Variants in TAGAP observed in about 807,000 individuals in gnomAD.
TAGAP encodes T cell activation RhoGTPase activating protein, also known as T-cell activation Rho GTPase-activating protein.
TAGAP carries 16 observed loss-of-function variants against 36.0 expected under a neutral mutation model. That is an observed-to-expected ratio of 0.44 (90% confidence interval 0.30 to 0.68). The LOEUF (loss-of-function observed/expected upper bound fraction) is 0.68, where lower values mean the gene tolerates loss of function less well. Among genes scored for constraint, TAGAP ranks in the 30% least tolerant of loss-of-function variants. TAGAP has a pLI of 0.09. For synonymous variants in TAGAP, 372 were observed against 377.4 expected (o/e 0.99, Z 0.17); for missense variants, 794 against 921.5 (o/e 0.86, Z 1.79).
rs772560830 is a variant in TAGAP at position 159,036,576 on chromosome 6, T to G, written c.1447A>C (p.Asn483His). Residue 483 changes from asparagine to histidine, a missense_variant, in exon 10 of 10, where the codon AAT becomes CAT. Asn to His is a moderately conservative substitution (Grantham distance 68). Transcript: ENST00000367066. The surrounding 1 kb of genome is among the most constrained non-coding windows in gnomAD (Gnocchi z 4.9). Reference sequence around the variant, plus strand: ...AAAGACTGATGTCTGCTGAAGAAATTTCTTTTGGGACTGGAAGGAGAAGCC... The same window carrying G: ...AAAGACTGATGTCTGCTGAAGAAATGTCTTTTGGGACTGGAAGGAGAAGCC... ...PVASPSSPKR[N>H]FFSRHQSFTT... 7 of 1,614,104 alleles carry G rather than the reference T, an allele frequency of 4.3e-6. No homozygotes were observed. The highest frequency in any genetic ancestry group is 5.1e-6 in the Non-Finnish European group (6 of 1,180,008).
rs139997029 is a variant in TAGAP, at chr6:159,042,111, G to A, written c.282C>T (p.Cys94=). 1.9e-5 allele frequency: 30 copies of A among 1,614,024 alleles called. No homozygotes were observed. The African/African-American group carries it at 1.9e-4, about 10-fold the overall frequency. Residue 94 remains cysteine (C), a synonymous_variant, in exon 5 of 10, where the codon TGC becomes TGT. Coordinates refer to ENST00000367066, the MANE Select transcript of TAGAP (RefSeq NM_054114.5). ...GTCTGGGGAGTGTGTCACTGTCACC[G>A]CAGATAATTGACAAGGGCTGATCAA... The part of the protein sequence containing the change: ...SLFDQPLSII[C]GDSDTLPRPI...
rs376487437 is a variant in TAGAP at position 159,036,134 on chromosome 6, G to A, written c.1889C>T (p.Ala630Val). 29 of 1,613,322 alleles carry A rather than the reference G, an allele frequency of 1.8e-5. No individual in the cohort carries two copies. Among genetic ancestry groups the A allele is most frequent in the African/African-American group, 6.7e-5 (5 of 74,846 alleles). ...VGSMRARMLE[A>V]HCLLPPLPPA... Reference sequence around the variant, plus strand: ...TGGAAGAGGGGGTAGGAGGCAGTGCGCCTCCAGCATCCTCGCCCTCATGCT... The same window carrying A: ...TGGAAGAGGGGGTAGGAGGCAGTGCACCTCCAGCATCCTCGCCCTCATGCT... The change falls in exon 10 of 10, where the codon GCG (alanine) becomes GTG (valine). Residue 630 changes from alanine (A) to valine (V), a missense_variant. By Grantham distance (64) the Ala-to-Val change is moderately conservative. Coordinates refer to ENST00000367066, the MANE Select transcript of TAGAP (RefSeq NM_054114.5). This position sits in a 1 kb window ranked among gnomAD's most constrained non-coding sequence, Gnocchi z 4.9.
At chr6:159,043,705 G>A (rs1779837640) in intron 3 of TAGAP, 50 bp from the exon 4 acceptor site, 31 of 1,552,366 alleles carry the variant, frequency 2.0e-5, no homozygotes, top group Non-Finnish European at 2.8e-5. Flanking sequence ...GAAACCTATC[G>A]AGTCTTTCCC....
chr6:159,037,603 C>T lies in TAGAP; in HGVS notation c.899-479G>A, dbSNP rs1267598995. Among the ~76,000 whole-genome samples the T allele has an allele frequency of 6.6e-6, 1 of 151,826 alleles. No individual in the cohort carries two copies. Among genetic ancestry groups the T allele is most frequent in the African/African-American group, 2.4e-5 (1 of 41,272 alleles). ...GGGGCTTGATATGACAAGAAATGTA[C>T]CACATGAAAAGTTTATTTCTTTCTG... On this transcript the variant is annotated intron_variant, in intron 9 of 9. Coordinates refer to ENST00000367066, the MANE Select transcript of TAGAP (RefSeq NM_054114.5). The surrounding 1 kb of genome is among the most constrained non-coding windows in gnomAD (Gnocchi z 5.1).
intron 7 of TAGAP, 135 bp from the exon 8 acceptor site, chr6:159,039,444 C>A (rs1374479032): frequency 2.2e-6 from 2 of 910,580 alleles, no homozygotes; most frequent in Non-Finnish European, 3.3e-6. Flanking sequence ...TTGTGAAATG[C>A]TCATTCAGAC....
chr6:159,035,803 A>G lies in TAGAP; in HGVS notation c.*24T>C, dbSNP rs1562583215. ...CTCATATTTACAGATAGCACAAGCT[A>G]TGGCATGGCGTATGGCCTCCCTCCT... On this transcript the variant is annotated 3_prime_UTR_variant, in exon 10 of 10. Coordinates refer to ENST00000367066, the MANE Select transcript of TAGAP (RefSeq NM_054114.5). 2 of 1,565,970 alleles carry G rather than the reference A, an allele frequency of 1.3e-6. No homozygotes were observed. Among genetic ancestry groups the G allele is most frequent in the Admixed American group, 1.7e-5 (1 of 57,578 alleles).
chr6:159,040,600 C>G lies in TAGAP; in HGVS notation c.587+123G>C, dbSNP rs780194671. The G allele has an allele frequency of 2.1e-5, 16 of 775,116 alleles. No individual in the cohort carries two copies. The African/African-American group carries it at 2.3e-4, about 11-fold the overall frequency. 48.0% of individuals were successfully genotyped at this position (775,116 alleles called of 1,614,324 possible). A position where few individuals can be genotyped will look rare whatever the true frequency, so the allele number is the denominator to read the frequency against. ...CTGGGAGTGGACGAGCAATTCCACT[C>G]GGATTCCCTAAACATCACAATTCTC... On this transcript the variant is annotated intron_variant, in intron 7 of 9. Coordinates refer to ENST00000367066, the MANE Select transcript of TAGAP (RefSeq NM_054114.5).
chr6:159,038,056 G>T, intron 9 of TAGAP, 58 bp downstream of exon 9: 1 of 1,124,826 alleles, frequency 8.9e-7, no homozygotes, highest in Non-Finnish European at 1.3e-6. Flanking sequence ...TTACATGACT[G>T]GCAGACTGGC....
intron 7 of TAGAP, 112 bp from the exon 8 acceptor site, chr6:159,039,421 T>C: frequency 8.8e-7 from 1 of 1,136,500 alleles, no homozygotes; most frequent in Non-Finnish European, 1.3e-6. Context: ...AAGGTGCATT[T>C]TCACAAGTAA....
Position 159,041,714 on chromosome 6 carries a change from C to A in TAGAP, c.316-199G>T. On this transcript the variant is annotated intron_variant, in intron 5 of 9. Transcript: ENST00000367066. The surrounding 1 kb of genome is among the most constrained non-coding windows in gnomAD (Gnocchi z 4.1). Reference sequence around the variant, plus strand: ...TGCACTTTCTAAAATCACTTTGGAGCTCTCTCCTTTCAAATACTTCCATAT... The same window carrying A: ...TGCACTTTCTAAAATCACTTTGGAGATCTCTCCTTTCAAATACTTCCATAT... 1 of 597,450 alleles carries A rather than the reference C, an allele frequency of 1.7e-6. No homozygotes were observed. Among genetic ancestry groups the A allele is most frequent in the Non-Finnish European group, 2.8e-6 (1 of 351,146 alleles). 37.0% of individuals were successfully genotyped at this position (597,450 alleles called of 1,614,324 possible).
At chr6:159,042,636 G>A (rs1779796978) in intron 4 of TAGAP, 1 of 164,802 alleles carries the variant, frequency 6.1e-6, no homozygotes, top group East Asian at 1.7e-4. Flanking sequence ...AGATTATTTT[G>A]ATTTCCTCCT....
chr6:159,038,712 C>A (rs1337844210), intron 8 of TAGAP, among the ~76,000 whole-genome samples: 1 of 152,202 alleles, frequency 6.6e-6, no homozygotes, highest in East Asian at 1.9e-4. Flanking sequence ...AAGTTAGATA[C>A]TCCTTGGTGT....
Position 159,036,530 on chromosome 6 carries a change from C to A in TAGAP, c.1493G>T (p.Gly498Val), listed in dbSNP as rs750610271. ...CTTTTTAATTTCTCGGCTGGGCTTG[C>A]CTTTCTCTGTCTTTGTGGTGAAAGA... ...HQSFTTKTEKGKPSREIKKHS... is the reference protein window; with the variant it reads ...HQSFTTKTEKVKPSREIKKHS... The change falls in exon 10 of 10, where the codon GGC becomes GTC. Residue 498 changes from glycine (G) to valine (V), a missense_variant. Physicochemically the swap from Gly to Val is moderately radical, Grantham distance 109. Coordinates refer to ENST00000367066, the MANE Select transcript of TAGAP (RefSeq NM_054114.5). The surrounding 1 kb of genome is among the most constrained non-coding windows in gnomAD (Gnocchi z 4.9). 6 of 1,614,016 alleles carry A rather than the reference C, an allele frequency of 3.7e-6. No homozygotes were observed. Among genetic ancestry groups the A allele is most frequent in the East Asian group, 2.2e-5 (1 of 44,888 alleles).
chr6:159,037,484 C>T lies in TAGAP; in HGVS notation c.899-360G>A, dbSNP rs1036324313. Among the ~76,000 whole-genome samples, 2 of 152,192 alleles carry T rather than the reference C, an allele frequency of 1.3e-5. No homozygotes were observed. Among genetic ancestry groups the T allele is most frequent in the East Asian group, 1.9e-4 (1 of 5,204 alleles). ...GATTATAGGCGTGAGCCACCACACA[C>T]GGCCATTTAGGTTCTTTTAGAAATG... On this transcript the variant is annotated intron_variant, in intron 9 of 9. Transcript: ENST00000367066. The surrounding 1 kb of genome is among the most constrained non-coding windows in gnomAD (Gnocchi z 5.1).
rs1246133284 is a variant in TAGAP at position 159,044,113 on chromosome 6, C to T, written c.27+7G>A. On this transcript the variant is annotated splice_region_variant and intron_variant, in intron 2 of 9. Coordinates refer to ENST00000367066, the MANE Select transcript of TAGAP (RefSeq NM_054114.5). ...CGTGAATGAATGAATGTGAGAGGGG[C>T]ACTCACAGCATTGTGGCTGCTTCTC... The T allele has an allele frequency of 7.4e-6, 12 of 1,613,838 alleles. No individual in the cohort carries two copies. The South Asian group carries it at 8.8e-5, about 12-fold the overall frequency.
chr6:159,044,636 G>GA (rs58292322), intron 1 of TAGAP, among the ~76,000 whole-genome samples: 16,312 of 135,166 alleles, frequency 0.12, 1,656 homozygotes, highest in East Asian at 0.47. Context: ...ATCCAAAAAG[G>GA]AAAAAAAAAA....
At position 159,038,165 on chromosome 6, in the gene TAGAP, C is replaced by T; in HGVS notation, c.847G>A (p.Val283Met). The T allele has an allele frequency of 6.2e-7, 1 of 1,613,510 alleles. No individual in the cohort carries two copies. The highest frequency in any genetic ancestry group is 8.5e-7 in the Non-Finnish European group (1 of 1,179,686). The stretch of plus-strand genomic sequence containing the variant: ...TCATCAGAAGTGATACTGGAATGCA[C>T]TGGAATGTTCTCCCCAAATATTTCA... The part of the protein sequence containing the change: ...CFEIFGENIP[V>M]HSSITSDDSL... The change falls in exon 9 of 10, where the codon GTG (valine) becomes ATG (methionine). Residue 283 changes from valine to methionine, a missense_variant. Coordinates refer to ENST00000367066, the MANE Select transcript of TAGAP (RefSeq NM_054114.5).
chr6:159,038,268 T>TAA, intron 8 of TAGAP, 40 bp from the exon 9 acceptor site: 1 of 504,354 alleles, frequency 2.0e-6, no homozygotes, highest in Non-Finnish European at 2.7e-6. Flanking sequence ...TTGAAGACTT[T>TAA]TTTTTTTTTT....
At position 159,035,026 on chromosome 6, in the gene TAGAP, A is replaced by G. The variant is rs775454162; in HGVS notation, c.*801T>C. On this transcript the variant is annotated 3_prime_UTR_variant, in exon 10 of 10. Transcript: ENST00000367066. Reference sequence around the variant, plus strand: ...TCAAATAAGGAAGGCAATTTATTGTAGTGAAATTACATTGAAGTTTTATAT... The same window carrying G: ...TCAAATAAGGAAGGCAATTTATTGTGGTGAAATTACATTGAAGTTTTATAT... The G allele has an allele frequency of 6.6e-6, 1 of 152,366 alleles. No individual in the cohort carries two copies. The highest frequency in any genetic ancestry group is 6.5e-5 in the Admixed American group (1 of 15,282). The allele number at this position is 152,366 out of a possible 1,614,324, so 9.4% of individuals were successfully genotyped here.
Sources: allele counts gnomAD v4.1 joint callset (sites outside exome capture counted in the v4.1 genomes callset), GRCh38; gene constraint gnomAD v4.1.1; non-coding constraint Gnocchi (gnomAD v3.1); transcripts MANE v1.5; gene names NCBI Gene and HGNC (gene_info 2026-07-23, HGNC 2026-07-21).